Variants in STARD13 observed in about 807,000 individuals in gnomAD.
STARD13 encodes stAR-related lipid transfer protein 13.
Under a neutral mutation model 106.4 loss-of-function variants are expected in STARD13, and 62 were observed. The observed-to-expected ratio is 0.58, with a 90% confidence interval of 0.48 to 0.72. The LOEUF (loss-of-function observed/expected upper bound fraction) is 0.72, where lower values mean the gene tolerates loss of function less well. Ranked by LOEUF, STARD13 falls within the 30% of genes least tolerant of loss-of-function variation. The pLI is 0.00. For missense variants in STARD13, 1,387 were observed against 1,424.0 expected (o/e 0.97, Z 0.42); for synonymous variants, 565 against 553.0 (o/e 1.02, Z -0.31).
chr13:33,350,194 T>C, intron 1 of STARD13: 1 of 1,373,126 alleles, frequency 7.3e-7, no homozygotes, highest in Non-Finnish European at 9.3e-7. Context: ...ACTCATGCCC[T>C]GGAGCCCAGA....
intron 5 of STARD13, among the ~76,000 whole-genome samples, chr13:33,128,551 A>G (rs1401052178): frequency 6.6e-6 from 1 of 152,182 alleles, no homozygotes; most frequent in Non-Finnish European, 1.5e-5. Context: ...AAATTTGGGG[A>G]AGAGACATTT....
intron 1 of STARD13, among the ~76,000 whole-genome samples, chr13:33,323,987 G>A (rs781113662): frequency 1.1e-4 from 17 of 152,022 alleles, no homozygotes; most frequent in Non-Finnish European, 2.2e-4. Context: ...GGCAGGGAGA[G>A]GTTAAGAAAA....
the STARD13 span, among the ~76,000 whole-genome samples, chr13:33,672,882 C>A: frequency 1.3e-5 from 2 of 152,180 alleles, no homozygotes; most frequent in African/African-American, 4.8e-5. Context: ...TTGATTATTT[C>A]CATTTTAGTG....
chr13:33,405,020 G>A, the STARD13 span, among the ~76,000 whole-genome samples: 3 of 151,998 alleles, frequency 2.0e-5, no homozygotes, highest in Non-Finnish European at 4.4e-5. Flanking sequence ...CAAGTGATCC[G>A]CCTGCCATGG....
intron 7 of STARD13, among the ~76,000 whole-genome samples, chr13:33,121,296 G>T (rs1593883135): frequency 1.3e-5 from 2 of 152,280 alleles, no homozygotes; most frequent in Non-Finnish European, 1.5e-5. Context: ...GCCGAGCACA[G>T]TGGCTCACAC....
chr13:33,257,485 A>G (rs1398402811), intron 1 of STARD13, among the ~76,000 whole-genome samples: 1 of 152,226 alleles, frequency 6.6e-6, no homozygotes, highest in Non-Finnish European at 1.5e-5. Flanking sequence ...TCTAGGGAAT[A>G]TAGAGGGAAT....
At chr13:33,653,170 A>G in the STARD13 span, among the ~76,000 whole-genome samples, 3 of 152,226 alleles carry the variant, frequency 2.0e-5, no homozygotes, top group African/African-American at 7.2e-5. Flanking sequence ...AAAATTGAGA[A>G]GCAGATCCTA....
the STARD13 span, among the ~76,000 whole-genome samples, chr13:33,526,132 T>A: frequency 2.0e-5 from 3 of 152,176 alleles, no homozygotes; most frequent in African/African-American, 7.2e-5. Flanking sequence ...GTGTACTTTT[T>A]TTTTTTACAG....
At chr13:33,109,595 T>C (rs1874227057) in intron 12 of STARD13, among the ~76,000 whole-genome samples, 1 of 152,160 alleles carries the variant, frequency 6.6e-6, no homozygotes, top group Non-Finnish European at 1.5e-5. Flanking sequence ...GGCCGTCTGC[T>C]CTGAGGAAAT....
At chr13:33,390,395 G>A in the STARD13 span, among the ~76,000 whole-genome samples, 2 of 152,182 alleles carry the variant, frequency 1.3e-5, no homozygotes, top group South Asian at 2.1e-4. Flanking sequence ...TTGCTACCCA[G>A]CTCCCTGGAA....
At chr13:33,137,733 A>G (rs1035789737) in intron 4 of STARD13, among the ~76,000 whole-genome samples, 3 of 152,344 alleles carry the variant, frequency 2.0e-5, no homozygotes, top group Middle Eastern at 3.4e-3. Context: ...GTTGGAAAAT[A>G]AGACCAAAGA....
chr13:33,298,342 T>C (rs1379611586), intron 1 of STARD13, among the ~76,000 whole-genome samples: 3 of 150,720 alleles, frequency 2.0e-5, no homozygotes, highest in African/African-American at 7.3e-5. Context: ...GGTTTCACCA[T>C]GTTGGTCCAG....
intron 1 of STARD13, among the ~76,000 whole-genome samples, chr13:33,336,929 G>T (rs910143428): frequency 1.3e-5 from 2 of 151,910 alleles, no homozygotes; most frequent in Non-Finnish European, 2.9e-5. Context: ...GCCATTGAAA[G>T]TAATAGCAAA....
chr13:33,287,408 G>A (rs374604735), upstream of STARD13, among the ~76,000 whole-genome samples: 4 of 152,188 alleles, frequency 2.6e-5, no homozygotes, highest in African/African-American at 9.6e-5. Context: ...AGCCTCTTCG[G>A]GTGGTTACAC....
intron 8 of STARD13, among the ~76,000 whole-genome samples, chr13:33,113,782 G>A (rs568905719): frequency 6.6e-5 from 10 of 152,142 alleles, no homozygotes; most frequent in African/African-American, 2.2e-4. Context: ...CCAGGGAATT[G>A]GTTCCAACAA....
the STARD13 span, among the ~76,000 whole-genome samples, chr13:33,420,081 G>A: frequency 0.077 from 11,764 of 152,080 alleles, 1,384 homozygotes; most frequent in African/African-American, 0.26. Context: ...ACATCATAAT[G>A]TGAATTGAAT....
chr13:33,391,977 G>T, the STARD13 span, among the ~76,000 whole-genome samples: 32 of 152,266 alleles, frequency 2.1e-4, no homozygotes, highest in East Asian at 6.0e-3. Flanking sequence ...TATTATTGCT[G>T]CAGAGGGCTT....
intron 4 of STARD13, among the ~76,000 whole-genome samples, chr13:33,141,199 C>T (rs1310756015): frequency 6.6e-6 from 1 of 152,116 alleles, no homozygotes. Flanking sequence ...AGAATCAATT[C>T]AGTGAAAAAG....
intron 8 of STARD13, among the ~76,000 whole-genome samples, chr13:33,115,446 A>G (rs1875224582): frequency 6.6e-6 from 1 of 152,170 alleles, no homozygotes; most frequent in African/African-American, 2.4e-5. Flanking sequence ...CCACTTCCAG[A>G]TTCCTGGGTC....
Sources: gnomAD v4.1 joint callset for allele counts (sites outside exome capture counted in the v4.1 genomes callset) on GRCh38, gnomAD v4.1.1 for gene constraint, MANE v1.5 for transcripts, NCBI Gene and HGNC (gene_info 2026-07-23, HGNC 2026-07-21) for gene names.